BRINP1: variants seen among roughly 807,000 people sequenced by gnomAD.
The protein encoded by BRINP1 is BMP/retinoic acid-inducible neural-specific protein 1.
A neutral mutation model predicts 72.9 loss-of-function variants in BRINP1; 17 were observed. That is an observed-to-expected ratio of 0.23 (90% CI 0.16 to 0.35). The LOEUF (loss-of-function observed/expected upper bound fraction) is 0.35. Ranked by LOEUF, BRINP1 falls within the 10% of genes least tolerant of loss-of-function variation. The pLI, the probability that BRINP1 is intolerant of heterozygous loss-of-function variation, is 1.00. For synonymous variants in BRINP1, 418 were observed against 378.5 expected, an observed-to-expected ratio of 1.10 and a Z score of -1.21; for missense variants, 850 against 1,001.6, an observed-to-expected ratio of 0.85 and a Z score of 2.04.
In BRINP1 at chr9:119,313,111, G is replaced by A. The variant is rs150277418; in HGVS notation, c.218+27C>T. 366 of 1,606,584 alleles carry A rather than the reference G, an allele frequency of 2.3e-4. 2 individuals are homozygous for A. The East Asian group carries it at 8.0e-3, about 35-fold the overall frequency. On this transcript the variant is annotated intron_variant, in intron 2 of 7. Coordinates refer to ENST00000265922, the MANE Select transcript of BRINP1 (RefSeq NM_014618.3). ...CCACAAAGCATAATATGAATGTAAG[G>A]CAAGGGCTATTTAGCCCAGGTCTTA...
intron 2 of BRINP1, among the ~76,000 whole-genome samples, chr9:119,255,599 C>CA (rs1326147001): frequency 1.3e-5 from 2 of 151,912 alleles, no homozygotes; most frequent in Non-Finnish European, 2.9e-5. Flanking sequence ...TTCATACGTG[C>CA]AAAAAAATAC....
rs762980114 is a variant in BRINP1, at chr9:119,275,600, A to G, written c.219-26450T>C. On this transcript the variant is annotated intron_variant, in intron 2 of 7. Coordinates refer to ENST00000265922, the MANE Select transcript of BRINP1 (RefSeq NM_014618.3). ...ATGGACACACTGTCAGGTAACTCCA[A>G]TGCAACATATTGGATGCTTGGGACC... Among the ~76,000 whole-genome samples the G allele has an allele frequency of 1.4e-4, 21 of 152,298 alleles. No homozygotes were observed. In the South Asian group the frequency reaches 2.9e-3, roughly 21 times the overall value.
Position 119,366,520 on chromosome 9 carries a change from G to A in BRINP1, c.-51+2536C>T, listed in dbSNP as rs1488626009. 6.8e-4 allele frequency among the ~76,000 whole-genome samples: 98 copies of A among 143,298 alleles called. 1 individual carries two copies. In the East Asian group the frequency reaches 7.2e-3, roughly 11 times the overall value. 94.0% of individuals were successfully genotyped at this position (143,298 alleles called of 152,430 possible). On this transcript the variant is annotated intron_variant, in intron 1 of 7. Coordinates refer to ENST00000265922, the MANE Select transcript of BRINP1 (RefSeq NM_014618.3). Reference sequence around the variant, plus strand: ...CCCACCACCGTGTGTGTGTGTGTGTGTGTGTGTGTGTGTGTGTGTGTGTGT... The same window carrying A: ...CCCACCACCGTGTGTGTGTGTGTGTATGTGTGTGTGTGTGTGTGTGTGTGT...
chr9:119,266,455 C>T (rs557630809), intron 2 of BRINP1, among the ~76,000 whole-genome samples: 1 of 152,262 alleles, frequency 6.6e-6, no homozygotes, highest in African/African-American at 2.4e-5. Context: ...GTGGAATGCT[C>T]AAATCAAGCT....
At chr9:119,354,569 T>C (rs1051283363) in intron 1 of BRINP1, among the ~76,000 whole-genome samples, 3 of 152,006 alleles carry the variant, frequency 2.0e-5, no homozygotes, top group African/African-American at 7.2e-5. Flanking sequence ...CCAGGGAATG[T>C]ATACATCAGG....
chr9:119,262,679 C>T (rs1425115339), intron 2 of BRINP1, among the ~76,000 whole-genome samples: 3 of 145,644 alleles, frequency 2.1e-5, no homozygotes, highest in Non-Finnish European at 4.5e-5. Flanking sequence ...TGAAATTGGA[C>T]TTGGAGGAAC....
chr9:119,296,638 GACACACACACTC>G (rs1830881402), intron 2 of BRINP1, among the ~76,000 whole-genome samples: 1 of 152,078 alleles, frequency 6.6e-6, no homozygotes, highest in South Asian at 2.1e-4. Flanking sequence ...CAGATGAATG[GACACACACACTC>G]ACCCACACAC....
intron 1 of BRINP1, 53 bp from the exon 2 acceptor site, chr9:119,313,458 G>A (rs1056121880): frequency 1.0e-5 from 15 of 1,448,774 alleles, no homozygotes; most frequent in Non-Finnish European, 1.4e-5. Context: ...CCAAAAGAGA[G>A]AGAGGAGAGG....
chr9:119,349,066 C>G (rs1831477113), intron 1 of BRINP1, among the ~76,000 whole-genome samples: 1 of 151,986 alleles, frequency 6.6e-6, no homozygotes, highest in African/African-American at 2.4e-5. Flanking sequence ...AGACTTGAAC[C>G]CAAGTCTTCC....
chr9:119,336,885 C>T (rs1831351084), intron 1 of BRINP1, among the ~76,000 whole-genome samples: 1 of 152,010 alleles, frequency 6.6e-6, no homozygotes, highest in Admixed American at 6.5e-5. Context: ...TAGATGAATA[C>T]AATATAAAAG....
chr9:119,318,509 C>CT (rs1831149011), intron 1 of BRINP1, among the ~76,000 whole-genome samples: 1 of 152,132 alleles, frequency 6.6e-6, no homozygotes, highest in Non-Finnish European at 1.5e-5. Context: ...CTGGCAAAAG[C>CT]TGTGGCCTGA....
rs547319036 is a variant in BRINP1, at chr9:119,314,185, G to A, written c.-50-780C>T. Among the ~76,000 whole-genome samples, 23 of 152,258 alleles carry A rather than the reference G, an allele frequency of 1.5e-4. No individual in the cohort carries two copies. In the South Asian group the frequency reaches 4.1e-3, roughly 27 times the overall value. On this transcript the variant is annotated intron_variant, in intron 1 of 7. Coordinates refer to ENST00000265922, the MANE Select transcript of BRINP1 (RefSeq NM_014618.3). ...AGGGTTCAAAAGGAAAACTGAAGGC[G>A]GTCATTTTGTCAGGGGGTCTCGCAT... is the stretch of plus-strand genomic sequence containing the variant.
chr9:119,204,224 TAG>T (rs1243298503), intron 7 of BRINP1, among the ~76,000 whole-genome samples: 1 of 152,130 alleles, frequency 6.6e-6, no homozygotes, highest in East Asian at 1.9e-4. Context: ...CCCAGCCAAC[TAG>T]AGATATCCTC....
chr9:119,198,115 C>T (rs1829759624), intron 7 of BRINP1, among the ~76,000 whole-genome samples: 1 of 152,086 alleles, frequency 6.6e-6, no homozygotes, highest in African/African-American at 2.4e-5. Context: ...ATACCACTAC[C>T]CTCAAAAAAG....
chr9:119,365,307 C>A (rs1403590881), intron 1 of BRINP1, among the ~76,000 whole-genome samples: 1 of 152,162 alleles, frequency 6.6e-6, no homozygotes, highest in Admixed American at 6.5e-5. Flanking sequence ...TAAAGATAAT[C>A]TTTGCAGAAG....
At chr9:119,273,806 C>A (rs566388172) in intron 2 of BRINP1, among the ~76,000 whole-genome samples, 2 of 152,236 alleles carry the variant, frequency 1.3e-5, no homozygotes, top group East Asian at 3.9e-4. Flanking sequence ...TTAGTAAAGC[C>A]AAGATGCAAA....
chr9:119,262,291 T>G, intron 2 of BRINP1, among the ~76,000 whole-genome samples: 1 of 152,198 alleles, frequency 6.6e-6, no homozygotes, highest in South Asian at 2.1e-4. Flanking sequence ...ATCATATTTC[T>G]TACTTACTTC....
At chr9:119,308,451 C>A (rs1277956512) in intron 2 of BRINP1, among the ~76,000 whole-genome samples, 1 of 152,276 alleles carries the variant, frequency 6.6e-6, no homozygotes, top group South Asian at 2.1e-4. Context: ...AAGATAAACT[C>A]CCCATGTACA....
At chr9:119,171,972 C>T (rs1478325778) in intron 7 of BRINP1, among the ~76,000 whole-genome samples, 1 of 132,390 alleles carries the variant, frequency 7.6e-6, no homozygotes, top group Non-Finnish European at 1.5e-5. Flanking sequence ...CTCTGGGACA[C>T]ATTCAAAGCA....
Sources: gnomAD v4.1 joint callset for allele counts (sites outside exome capture counted in the v4.1 genomes callset) on GRCh38, gnomAD v4.1.1 for gene constraint, MANE v1.5 for transcripts, NCBI Gene and HGNC (gene_info 2026-07-23, HGNC 2026-07-21) for gene names.